The following TMEM65 variants were observed in gnomAD, a reference collection of about 807,000 sequenced individuals.
The protein encoded by TMEM65 is transmembrane protein 65.
Under a neutral mutation model 25.4 loss-of-function variants are expected in TMEM65, and 22 were observed. The observed-to-expected ratio is 0.86, with a 90% CI of 0.62 to 1.23. The LOEUF is 1.23. Among genes scored for constraint, TMEM65 ranks in the 50% most tolerant of loss-of-function variants. The probability of loss-of-function intolerance (pLI) is 0.00; values close to 1 mark genes in which losing one functional copy is unlikely to be tolerated. For missense variants in TMEM65, 262 were observed against 308.2 expected (o/e 0.85, Z 1.12); for synonymous variants, 132 against 126.2 (o/e 1.05, Z -0.31).
intron 6 of TMEM65, among the ~76,000 whole-genome samples, chr8:124,314,690 G>A (rs2131191691): frequency 6.6e-6 from 1 of 152,128 alleles, no homozygotes; most frequent in African/African-American, 2.4e-5. Context: ...GAACGCAGTG[G>A]TATGATCATA....
At chr8:124,356,897 G>A (rs1442093095) in intron 1 of TMEM65, among the ~76,000 whole-genome samples, 2 of 151,784 alleles carry the variant, frequency 1.3e-5, no homozygotes, top group Non-Finnish European at 2.9e-5. Context: ...TAGTAGAGAC[G>A]GGGTTTTACC....
At chr8:124,348,535 A>G (rs902263228) in intron 1 of TMEM65, among the ~76,000 whole-genome samples, 4 of 152,210 alleles carry the variant, frequency 2.6e-5, no homozygotes, top group Non-Finnish European at 5.9e-5. Flanking sequence ...AGATGGTACT[A>G]TATAATTTTT....
chr8:124,307,700 T>C lies in TMEM65; in HGVS notation c.*6260A>G, dbSNP rs1814109989. The C allele has an allele frequency of 6.6e-6, 1 of 152,052 alleles. No homozygotes were observed. The allele number at this position is 152,052 out of a possible 1,614,324, so 9.4% of individuals were successfully genotyped here. ...GAATTTAATGCCAGCAAAGGATGGC[T>C]TGATAATATTAGAAAGAAGTTTGGC... On this transcript the variant is annotated 3_prime_UTR_variant, in exon 7 of 7. Transcript: ENST00000297632.
intron 1 of TMEM65, among the ~76,000 whole-genome samples, chr8:124,352,550 A>G (rs1814725350): frequency 6.6e-6 from 1 of 151,578 alleles, no homozygotes; most frequent in Admixed American, 6.6e-5. Flanking sequence ...AAATACAGGT[A>G]AGATTCCAGA....
At position 124,371,870 on chromosome 8, in the gene TMEM65, A is replaced by G; in HGVS notation, c.288T>C (p.Ser96=). Residue 96 remains serine, a synonymous_variant, in exon 1 of 7, where the codon TCT becomes TCC. Coordinates refer to ENST00000297632, the MANE Select transcript of TMEM65 (RefSeq NM_194291.3). ...CLLKELHRFE[S]IAIAQEKLEA... ...CCCCCTTACCTTGGGCAATGGCAAT[A>G]GACTCGAAGCGGTGCAGCTCTTTGA... 6.5e-7 allele frequency: 1 copy of G among 1,541,900 alleles called. No individual in the cohort carries two copies. Among genetic ancestry groups the G allele is most frequent in the East Asian group, 2.6e-5 (1 of 38,502 alleles).
chr8:124,357,829 C>T (rs200655668), intron 1 of TMEM65, among the ~76,000 whole-genome samples: 20 of 105,782 alleles, frequency 1.9e-4, no homozygotes, highest in African/African-American at 3.3e-4. Flanking sequence ...ACTTTTTTAT[C>T]TTTTTTTTTT....
intron 6 of TMEM65, among the ~76,000 whole-genome samples, chr8:124,314,678 T>C (rs1814211408): frequency 6.6e-6 from 1 of 152,208 alleles, no homozygotes; most frequent in Admixed American, 6.5e-5. Context: ...TCACCTAGGC[T>C]GGAACGCAGT....
At chr8:124,318,442 T>G (rs917245268) in intron 6 of TMEM65, among the ~76,000 whole-genome samples, 4 of 136,460 alleles carry the variant, frequency 2.9e-5, no homozygotes, top group Non-Finnish European at 1.5e-5. Flanking sequence ...TGGCTTGATC[T>G]CGGCTCACTG....
At chr8:124,364,262 A>G (rs1054816514) in intron 1 of TMEM65, among the ~76,000 whole-genome samples, 21 of 152,350 alleles carry the variant, frequency 1.4e-4, no homozygotes, top group Admixed American at 9.8e-4. Context: ...TTTAGAAACA[A>G]TAACAGGATG....
intron 1 of TMEM65, among the ~76,000 whole-genome samples, chr8:124,350,026 C>T (rs1453613187): frequency 6.6e-6 from 1 of 151,984 alleles, no homozygotes; most frequent in Non-Finnish European, 1.5e-5. Flanking sequence ...TGTTTAACTT[C>T]TACATGCAAA....
chr8:124,322,205 G>A lies in TMEM65; in HGVS notation c.473-58C>T. ...AAAAGAATAATAATTATATCACTAT[G>A]TAATCAATAAAGCACTGATCTTGGA... On this transcript the variant is annotated intron_variant, in intron 4 of 6. Transcript: ENST00000297632. The A allele has an allele frequency of 2.3e-6, 3 of 1,305,558 alleles. No individual in the cohort carries two copies. The South Asian group carries it at 3.8e-5, about 17-fold the overall frequency. 80.9% of individuals were successfully genotyped at this position (1,305,558 alleles called of 1,614,324 possible). A position where few individuals can be genotyped will look rare whatever the true frequency, so the allele number is the denominator to read the frequency against.
chr8:124,367,185 T>A (rs1414723406), intron 1 of TMEM65, among the ~76,000 whole-genome samples: 1 of 152,216 alleles, frequency 6.6e-6, no homozygotes, highest in Admixed American at 6.5e-5. Flanking sequence ...TAAAATAATT[T>A]ATATTTAGGC....
At chr8:124,347,530 T>C (rs1376320806) in intron 1 of TMEM65, among the ~76,000 whole-genome samples, 1 of 152,174 alleles carries the variant, frequency 6.6e-6, no homozygotes, top group Non-Finnish European at 1.5e-5. Flanking sequence ...CCAGACCTCA[T>C]CACTATACAA....
intron 1 of TMEM65, among the ~76,000 whole-genome samples, chr8:124,334,934 G>A (rs1156456041): frequency 2.0e-5 from 3 of 151,824 alleles, no homozygotes; most frequent in Admixed American, 6.6e-5. Context: ...TAATAAACCT[G>A]AGTCTCAGGG....
In TMEM65 at chr8:124,310,285, G is replaced by A. The variant is rs999481116; in HGVS notation, c.*3675C>T. ...CCTTGAACATCCTAGCACATAGTAT[G>A]TAATAAAGAACACAAGATTTCTTAA... On this transcript the variant is annotated 3_prime_UTR_variant, in exon 7 of 7. Coordinates refer to ENST00000297632, the MANE Select transcript of TMEM65 (RefSeq NM_194291.3). The A allele has an allele frequency of 6.6e-6, 1 of 152,158 alleles. No homozygotes were observed. The highest frequency in any genetic ancestry group is 1.9e-4 in the East Asian group (1 of 5,198). The allele number at this position is 152,158 out of a possible 1,614,324, so 9.4% of individuals were successfully genotyped here. A position where few individuals can be genotyped will look rare whatever the true frequency, so the allele number is the denominator to read the frequency against.
At chr8:124,330,685 G>T in intron 2 of TMEM65, 63 bp downstream of exon 2, 1 of 1,464,810 alleles carries the variant, frequency 6.8e-7, no homozygotes, top group South Asian at 1.2e-5. Flanking sequence ...ATCAATGAAT[G>T]ATACAGTTAT....
chr8:124,357,688 T>C (rs1421074888), intron 1 of TMEM65, among the ~76,000 whole-genome samples: 1 of 152,136 alleles, frequency 6.6e-6, no homozygotes, highest in African/African-American at 2.4e-5. Flanking sequence ...AATTAAACTT[T>C]TATTGACCAT....
At chr8:124,323,299 A>C in intron 4 of TMEM65, 22 bp downstream of exon 4, 1 of 1,318,522 alleles carries the variant, frequency 7.6e-7, no homozygotes, top group Non-Finnish European at 1.1e-6. Context: ...ATGAAATAAT[A>C]ACATTTACTA....
Position 124,366,484 on chromosome 8 carries a change from T to C in TMEM65, c.304+5370A>G, listed in dbSNP as rs187992551. Among the ~76,000 whole-genome samples, 1,446 of 152,106 alleles carry C rather than the reference T, an allele frequency of 9.5e-3. 32 individuals carry two copies. The highest frequency in any genetic ancestry group is 0.017 in the Middle Eastern group (5 of 294). ...GCCAAAGTTTATGTAATGACCTCCA[T>C]AGATACCATAAGAAACAGCATCCAG... On this transcript the variant is annotated intron_variant, in intron 1 of 6. Coordinates refer to ENST00000297632, the MANE Select transcript of TMEM65 (RefSeq NM_194291.3).
Sources: allele counts gnomAD v4.1 joint callset (sites outside exome capture counted in the v4.1 genomes callset), GRCh38; gene constraint gnomAD v4.1.1; transcripts MANE v1.5; gene names NCBI Gene and HGNC (gene_info 2026-07-23, HGNC 2026-07-21).